Variants in SEC11A observed in about 807,000 individuals in gnomAD.
SEC11A encodes the protein SEC11 homolog A, signal peptidase complex subunit.
Under a neutral mutation model 25.6 loss-of-function variants are expected in SEC11A, and 14 were observed. That is an observed-to-expected ratio of 0.55 (90% CI 0.36 to 0.85). The LOEUF is 0.85. Among genes scored for constraint, SEC11A ranks in the 40% least tolerant of loss-of-function variants. The pLI is 0.01. For missense variants in SEC11A, 153 were observed against 222.9 expected (o/e 0.69, Z 2.00); for synonymous variants, 83 against 76.4 (o/e 1.09, Z -0.45).
At chr15:84,690,603 C>T (rs188070382) in intron 2 of SEC11A, among the ~76,000 whole-genome samples, 3 of 131,378 alleles carry the variant, frequency 2.3e-5, no homozygotes, top group East Asian at 2.9e-4. Context: ...GGTAACAGAG[C>T]GAGACCCCAT....
rs549419807 is a variant in SEC11A at position 84,689,315 on chromosome 15, T to C, written c.162-1541A>G. The stretch of plus-strand genomic sequence containing the variant: ...GAAAGTGATGAATATATTCACTTGC[T>C]TGATTGTGATGATGGTTTCACAGGA... On this transcript the variant is annotated intron_variant, in intron 2 of 5. Coordinates refer to ENST00000268220, the MANE Select transcript of SEC11A (RefSeq NM_014300.4). 2.0e-4 allele frequency among the ~76,000 whole-genome samples: 30 copies of C among 152,268 alleles called. No homozygotes were observed. In the South Asian group the frequency reaches 6.0e-3, roughly 30 times the overall value.
rs1318475650 is a variant in SEC11A at position 84,670,043 on chromosome 15, T to C, written c.516A>G (p.Leu172=). The C allele has an allele frequency of 6.2e-7, 1 of 1,613,364 alleles. No homozygotes were observed. Among genetic ancestry groups the C allele is most frequent in the Non-Finnish European group, 8.5e-7 (1 of 1,179,688 alleles). ...FKYAVLFLLG[L]FVLVHRE is the part of the protein sequence containing the mutation. ...CTTACTCACGATGAACCAGCACGAA[T>C]AAACCCAGCAAAAAGAGAACTGCAT... The change falls in exon 6 of 6, where the codon TTA becomes TTG. Residue 172 remains leucine, a synonymous_variant. Coordinates refer to ENST00000268220, the MANE Select transcript of SEC11A (RefSeq NM_014300.4).
intron 1 of SEC11A, among the ~76,000 whole-genome samples, chr15:84,702,519 G>T (rs1470278970): frequency 2.6e-5 from 4 of 151,914 alleles, no homozygotes; most frequent in African/African-American, 9.7e-5. Context: ...TGCCCAGGCT[G>T]GTTTCAAACT....
intron 4 of SEC11A, 61 bp from the exon 5 acceptor site, chr15:84,670,843 C>T (rs775270697): frequency 2.7e-6 from 2 of 748,292 alleles, no homozygotes; most frequent in Non-Finnish European, 4.4e-6. Context: ...TGTTGTCACT[C>T]ACTGAATATT....
At chr15:84,690,594 G>A (rs1172807930) in intron 2 of SEC11A, among the ~76,000 whole-genome samples, 1 of 145,804 alleles carries the variant, frequency 6.9e-6, no homozygotes, top group Non-Finnish European at 1.5e-5. Flanking sequence ...TCTATCCTGG[G>A]TAACAGAGCG....
chr15:84,681,545 A>T (rs1425695327), intron 3 of SEC11A, among the ~76,000 whole-genome samples: 2 of 152,028 alleles, frequency 1.3e-5, no homozygotes, highest in East Asian at 3.9e-4. Flanking sequence ...CAGGAGAATC[A>T]CTTGAACCCA....
chr15:84,680,273 C>T (rs1200641922), intron 4 of SEC11A, among the ~76,000 whole-genome samples: 2 of 151,152 alleles, frequency 1.3e-5, no homozygotes, highest in Non-Finnish European at 2.9e-5. Context: ...TGCACTCCAG[C>T]CTGGGTGACA....
At chr15:84,670,228 G>C in intron 5 of SEC11A, 159 bp from the exon 6 acceptor site, 8 of 471,188 alleles carry the variant, frequency 1.7e-5, no homozygotes, top group Non-Finnish European at 2.6e-5. Flanking sequence ...CCAATACTAA[G>C]CAAAATATCA....
At chr15:84,679,168 C>G in intron 4 of SEC11A, 2 of 623,610 alleles carry the variant, frequency 3.2e-6, no homozygotes, top group Non-Finnish European at 4.9e-6. Flanking sequence ...TGAATCTGTA[C>G]ATTTATAATT....
chr15:84,704,861 T>C (rs1334451561), intron 1 of SEC11A, among the ~76,000 whole-genome samples: 2 of 152,140 alleles, frequency 1.3e-5, no homozygotes, highest in Non-Finnish European at 2.9e-5. Context: ...TCTTTCTTTG[T>C]TCACTCTTCC....
intron 1 of SEC11A, among the ~76,000 whole-genome samples, chr15:84,704,899 T>C (rs920676387): frequency 6.7e-6 from 1 of 149,014 alleles, no homozygotes; most frequent in Admixed American, 6.8e-5. Flanking sequence ...AGCTGTTTTC[T>C]GCATATGCTA....
chr15:84,714,016 T>C (rs1898374731), intron 1 of SEC11A, among the ~76,000 whole-genome samples: 1 of 115,750 alleles, frequency 8.6e-6, no homozygotes, highest in Non-Finnish European at 1.8e-5. Flanking sequence ...GCCATATACC[T>C]TCTTTTTTTT....
At chr15:84,680,110 GAAATAT>G (rs931765550) in intron 4 of SEC11A, 18 of 485,862 alleles carry the variant, frequency 3.7e-5, no homozygotes, top group African/African-American at 3.0e-4. Context: ...TACTTCTTAA[GAAATAT>G]AAATATAACG....
At chr15:84,688,183 A>G (rs1249410734) in intron 2 of SEC11A, among the ~76,000 whole-genome samples, 2 of 152,240 alleles carry the variant, frequency 1.3e-5, no homozygotes, top group African/African-American at 4.8e-5. Context: ...GAACTGGATC[A>G]TCTTCCTCTG....
intron 3 of SEC11A, among the ~76,000 whole-genome samples, chr15:84,683,080 T>C (rs1897320845): frequency 1.3e-5 from 2 of 151,738 alleles, no homozygotes. Context: ...AAGATGCCAG[T>C]TAGAAAAAAT....
chr15:84,676,271 C>G (rs146343643), intron 4 of SEC11A, among the ~76,000 whole-genome samples: 1 of 152,040 alleles, frequency 6.6e-6, no homozygotes, highest in East Asian at 1.9e-4. Flanking sequence ...GAGAGACCAG[C>G]CTGGCCAACA....
At chr15:84,695,398 G>C (rs918995361) in intron 1 of SEC11A, among the ~76,000 whole-genome samples, 5 of 151,848 alleles carry the variant, frequency 3.3e-5, no homozygotes, top group African/African-American at 9.7e-5. Context: ...GGGAGGCGGA[G>C]GTTGCAGTGG....
At chr15:84,671,819 G>A (rs930216841) in intron 4 of SEC11A, 3 of 152,186 alleles carry the variant, frequency 2.0e-5, no homozygotes, top group Non-Finnish European at 2.9e-5. Flanking sequence ...TTCTCTTGGG[G>A]AAATCCTATT....
intron 3 of SEC11A, among the ~76,000 whole-genome samples, chr15:84,685,185 A>G (rs1490132612): frequency 2.0e-5 from 3 of 152,158 alleles, no homozygotes; most frequent in Non-Finnish European, 4.4e-5. Flanking sequence ...TCCAATTAAT[A>G]TATTCTCTGT....
Sources: gnomAD v4.1 joint callset for allele counts (sites outside exome capture counted in the v4.1 genomes callset) on GRCh38, gnomAD v4.1.1 for gene constraint, MANE v1.5 for transcripts, NCBI Gene and HGNC (gene_info 2026-07-23, HGNC 2026-07-21) for gene names.